Variants in PTCD1 observed in about 807,000 individuals in gnomAD.
PTCD1 encodes pentatricopeptide repeat-containing protein 1, mitochondrial.
Under a neutral mutation model 53.4 loss-of-function variants are expected in PTCD1, and 50 were observed. That is an observed-to-expected ratio of 0.94 (90% CI 0.75 to 1.19). PTCD1 has a LOEUF of 1.19. PTCD1 is among the 50% of genes most tolerant of loss of function. PTCD1 has a pLI of 0.00. For missense variants in PTCD1, 918 were observed against 904.8 expected (o/e 1.01, Z -0.19); for synonymous variants, 413 against 394.8 (o/e 1.05, Z -0.55).
In PTCD1 at chr7:99,419,080, G is replaced by C; in HGVS notation, c.*887C>G. The C allele has an allele frequency of 2.4e-6, 1 of 416,676 alleles. No individual in the cohort carries two copies. Among genetic ancestry groups the C allele is most frequent in the Non-Finnish European group, 4.5e-6 (1 of 223,982 alleles). 25.8% of individuals were successfully genotyped at this position (416,676 alleles called of 1,614,324 possible). A position where few individuals can be genotyped will look rare whatever the true frequency, so the allele number is the denominator to read the frequency against. ...GCCACGTCTGCTCATCGCAGGGTCT[G>C]TCATGCTCACTTAGCAGAATAACGA... On this transcript the variant is annotated 3_prime_UTR_variant, in exon 8 of 8. Coordinates refer to ENST00000292478, the MANE Select transcript of PTCD1 (RefSeq NM_015545.4).
At chr7:99,423,002 CTTTT>C (rs76812753) in intron 7 of PTCD1, among the ~76,000 whole-genome samples, 3 of 144,604 alleles carry the variant, frequency 2.1e-5, no homozygotes, top group African/African-American at 2.5e-5. Flanking sequence ...GAGCTCTTCT[CTTTT>C]TTTTTTTTTC....
chr7:99,429,878 G>T, intron 3 of PTCD1, 72 bp from the exon 4 acceptor site: 1 of 1,580,640 alleles, frequency 6.3e-7, no homozygotes. Flanking sequence ...TGCCCCAGAG[G>T]AGGCTGAGGC....
In PTCD1 at chr7:99,417,581, AG is replaced by A. The variant is rs1221341153; in HGVS notation, c.*2385del. 1 of 1,612,422 alleles carries A rather than the reference AG, an allele frequency of 6.2e-7. No individual in the cohort carries two copies. The highest frequency in any genetic ancestry group is 1.7e-5 in the Admixed American group (1 of 60,016). On this transcript the variant is annotated 3_prime_UTR_variant, in exon 8 of 8. Transcript: ENST00000292478. Reference sequence around the variant, plus strand: ...GAACTGCATCTGCCGCGTGCCCAAAAGCAAGCTGGAAGTGGTAATGTCTGAC... The same window carrying A: ...GAACTGCATCTGCCGCGTGCCCAAAACAAGCTGGAAGTGGTAATGTCTGAC...
rs573890952 is a variant in PTCD1 at position 99,437,146 on chromosome 7, G to A, written c.-27+1546C>T. The stretch of plus-strand genomic sequence containing the variant: ...CTCCCAAAGTGTTGGGATTGCAGGC[G>A]TAAGCCTCCATGCCCTGCCTTACGT... On this transcript the variant is annotated intron_variant, in intron 1 of 7. Coordinates refer to ENST00000292478, the MANE Select transcript of PTCD1 (RefSeq NM_015545.4). Among the ~76,000 whole-genome samples the A allele has an allele frequency of 1.5e-4, 23 of 152,302 alleles. No individual in the cohort carries two copies. The South Asian group carries it at 4.1e-3, about 27-fold the overall frequency.
intron 7 of PTCD1, among the ~76,000 whole-genome samples, chr7:99,423,243 C>T (rs985262995): frequency 3.4e-4 from 52 of 152,172 alleles, no homozygotes; most frequent in Admixed American, 2.9e-3. Flanking sequence ...TACCCAGCAA[C>T]GTGCAGGTGC....
chr7:99,434,722 C>A lies in PTCD1; in HGVS notation c.453+68G>T. ...CTTAGAGGCTGGGAAAGTCAGGTGA[C>A]CCCTTGCAAAACACTGAGCCACCAG... On this transcript the variant is annotated intron_variant, in intron 2 of 7. Coordinates refer to ENST00000292478, the MANE Select transcript of PTCD1 (RefSeq NM_015545.4). The A allele has an allele frequency of 7.5e-6, 12 of 1,600,572 alleles. No homozygotes were observed. In the South Asian group the frequency reaches 1.1e-4, roughly 15 times the overall value.
chr7:99,431,895 T>A (rs1337472324), intron 3 of PTCD1, among the ~76,000 whole-genome samples: 1 of 152,222 alleles, frequency 6.6e-6, no homozygotes, highest in Non-Finnish European at 1.5e-5. Context: ...GCCCCAACCC[T>A]GTGCTTGCAG....
chr7:99,435,942 A>T (rs1273766490), intron 1 of PTCD1, among the ~76,000 whole-genome samples: 11 of 150,406 alleles, frequency 7.3e-5, no homozygotes, highest in Non-Finnish European at 8.9e-5. Context: ...CAGAAAAAAA[A>T]AAAAATAATA....
intron 1 of PTCD1, among the ~76,000 whole-genome samples, chr7:99,435,988 T>G (rs1239637929): frequency 4.0e-5 from 6 of 151,494 alleles, no homozygotes; most frequent in African/African-American, 1.5e-4. Flanking sequence ...GCCCAGAGGT[T>G]AGAAAGCCTA....
Position 99,420,071 on chromosome 7 carries a change from C to G in PTCD1, c.1999G>C (p.Ala667Pro). Residue 667 changes from alanine to proline, a missense_variant, in exon 8 of 8, where the codon GCA becomes CCA. Transcript: ENST00000292478. ...TGCCAGGGGTGCGGGGTTTCCTCTG[C>G]GGGCATCACTGTCAGCCACTGCTTG... ...YYKQWLTVMP[A>P]EETPHPWQKF... is the part of the protein sequence containing the mutation. 3 of 1,614,220 alleles carry G rather than the reference C, an allele frequency of 1.9e-6. No individual in the cohort carries two copies. Among genetic ancestry groups the G allele is most frequent in the South Asian group, 1.1e-5 (1 of 91,086 alleles).
chr7:99,433,539 T>C (rs1401085646), intron 2 of PTCD1, 121 bp from the exon 3 acceptor site: 7 of 1,575,396 alleles, frequency 4.4e-6, no homozygotes, highest in Admixed American at 1.8e-5. Context: ...CCTGGGTGAC[T>C]GCAAACCCCC....
intron 4 of PTCD1, 62 bp from the exon 5 acceptor site, chr7:99,429,266 T>A: frequency 6.3e-7 from 1 of 1,593,242 alleles, no homozygotes; most frequent in Non-Finnish European, 8.6e-7. Context: ...TGGTAGCTCA[T>A]GTCTGTAATC....
At chr7:99,420,583 GAC>G (rs1445568366) in intron 7 of PTCD1, among the ~76,000 whole-genome samples, 4 of 152,190 alleles carry the variant, frequency 2.6e-5, no homozygotes, top group African/African-American at 7.2e-5. Flanking sequence ...AGACACACCA[GAC>G]ACAAACTGAG....
chr7:99,421,580 TAA>T (rs1255958525), intron 7 of PTCD1, among the ~76,000 whole-genome samples: 10 of 126,628 alleles, frequency 7.9e-5, no homozygotes, highest in Admixed American at 1.6e-4. Flanking sequence ...CCGTCTCTAC[TAA>T]AAAAAAAAAA....
chr7:99,438,248 T>G, intron 1 of PTCD1, among the ~76,000 whole-genome samples: 1 of 151,812 alleles, frequency 6.6e-6, no homozygotes. Context: ...CTGGGCAACA[T>G]AGCAAGACCC....
intron 1 of PTCD1, among the ~76,000 whole-genome samples, chr7:99,437,564 A>C (rs1162896011): frequency 1.3e-5 from 2 of 152,182 alleles, no homozygotes; most frequent in Non-Finnish European, 2.9e-5. Flanking sequence ...CGGCCTCCCG[A>C]AGTGCTGGGA....
chr7:99,437,911 C>T (rs1382188950), intron 1 of PTCD1, among the ~76,000 whole-genome samples: 2 of 152,070 alleles, frequency 1.3e-5, no homozygotes, highest in African/African-American at 2.4e-5. Context: ...GTGATCCTCT[C>T]GCCTCAGACT....
At chr7:99,421,217 A>C (rs183680021) in intron 7 of PTCD1, among the ~76,000 whole-genome samples, 42 of 152,166 alleles carry the variant, frequency 2.8e-4, no homozygotes, top group African/African-American at 1.0e-3. Flanking sequence ...AGGCAGGCGG[A>C]TTACATGAGC....
rs537380062 is a variant in PTCD1, at chr7:99,423,908, G to A, written c.1787C>T (p.Ala596Val). Residue 596 changes from alanine to valine, a missense_variant, in exon 7 of 8, where the codon GCG becomes GTG. By Grantham distance (64) the Ala-to-Val change is moderately conservative. Coordinates refer to ENST00000292478, the MANE Select transcript of PTCD1 (RefSeq NM_015545.4). ...NTHIYSALIN[A>V]AIRKLNYTYL... is the part of the protein sequence containing the mutation. Reference sequence around the variant, plus strand: ...GGTGTAGTTCAGCTTCCTGATGGCCGCGTTGATGAGGGCACTGTAGATGTG... The same window carrying A: ...GGTGTAGTTCAGCTTCCTGATGGCCACGTTGATGAGGGCACTGTAGATGTG... 9.9e-6 allele frequency: 16 copies of A among 1,614,128 alleles called. No homozygotes were observed. The highest frequency in any genetic ancestry group is 3.3e-5 in the South Asian group (3 of 91,078).
Sources: gnomAD v4.1 joint callset for allele counts (sites outside exome capture counted in the v4.1 genomes callset) on GRCh38, gnomAD v4.1.1 for gene constraint, MANE v1.5 for transcripts, NCBI Gene and HGNC (gene_info 2026-07-23, HGNC 2026-07-21) for gene names.